The following ETV1 variants were observed in gnomAD, a reference collection of about 807,000 sequenced individuals.
ETV1 encodes the protein ETS variant transcription factor 1.
A neutral mutation model predicts 62.3 loss-of-function variants in ETV1; 27 were observed. That is an observed-to-expected ratio of 0.43 (90% CI 0.32 to 0.60). The LOEUF (loss-of-function observed/expected upper bound fraction) is 0.60. Ranked by LOEUF, ETV1 falls within the 20% of genes least tolerant of loss-of-function variation. The pLI, the probability that ETV1 is intolerant of heterozygous loss-of-function variation, is 0.06. For missense variants in ETV1, 605 were observed against 605.8 expected (o/e 1.00, Z 0.01); for synonymous variants, 222 against 199.6 (o/e 1.11, Z -0.94).
intron 6 of ETV1, among the ~76,000 whole-genome samples, chr7:13,941,862 CGAAT>C (rs1787545827): frequency 2.6e-5 from 3 of 116,880 alleles, no homozygotes; most frequent in South Asian, 7.2e-4. Flanking sequence ...GATTCTGCCT[CGAAT>C]AAATAAATAA....
At chr7:13,940,863 CAA>C (rs1276156844) in intron 6 of ETV1, among the ~76,000 whole-genome samples, 1 of 152,058 alleles carries the variant, frequency 6.6e-6, no homozygotes, top group African/African-American at 2.4e-5. Context: ...AATTTTGATA[CAA>C]GTGTTCAACA....
chr7:13,901,825 AC>A (rs1220600406), intron 12 of ETV1, among the ~76,000 whole-genome samples: 1 of 152,228 alleles, frequency 6.6e-6, no homozygotes, highest in Non-Finnish European at 1.5e-5. Flanking sequence ...GAGTCCACAA[AC>A]AAAAATCTCT....
chr7:13,908,398 A>G (rs1783197648), intron 11 of ETV1, among the ~76,000 whole-genome samples: 1 of 152,138 alleles, frequency 6.6e-6, no homozygotes, highest in Non-Finnish European at 1.5e-5. Flanking sequence ...AGCTCACCAA[A>G]CACGAAAGAA....
rs1158629536 is a variant in ETV1, at chr7:13,894,987, A to C, written c.*879T>G. ...ATGTATTTATGTACTGAAGAAAGTG[A>C]AAAGGAGACAGATATTTTTTGCTTC... On this transcript the variant is annotated 3_prime_UTR_variant, in exon 14 of 14. Transcript: ENST00000430479. 1 of 233,042 alleles carries C rather than the reference A, an allele frequency of 4.3e-6. No individual in the cohort carries two copies. The highest frequency in any genetic ancestry group is 2.2e-5 in the African/African-American group (1 of 45,342). The allele number at this position is 233,042 out of a possible 1,614,324, so 14.4% of individuals were successfully genotyped here.
rs1781738434 is a variant in ETV1 at position 13,896,011 on chromosome 7, T to C, written c.1289A>G (p.Gln430Arg). 1 of 1,613,794 alleles carries C rather than the reference T, an allele frequency of 6.2e-7. No individual in the cohort carries two copies. Among genetic ancestry groups the C allele is most frequent in the Non-Finnish European group, 8.5e-7 (1 of 1,179,840 alleles). ...ALFSMAFPDN[Q>R]RPLLKTDMER... ...CATGTCTGTCTTCAGCAGTGGACGC[T>C]GATTATCTGGAAAGGCCATGGAGAA... is the stretch of plus-strand genomic sequence containing the variant. The change falls in exon 14 of 14, where the codon CAG (glutamine) becomes CGG (arginine). Residue 430 changes from glutamine (Q) to arginine (R), a missense_variant. Physicochemically the swap from Gln to Arg is conservative, Grantham distance 43. Transcript: ENST00000430479.
intron 6 of ETV1, among the ~76,000 whole-genome samples, chr7:13,947,695 A>C (rs765181747): frequency 2.6e-5 from 4 of 152,228 alleles, no homozygotes; most frequent in Non-Finnish European, 5.9e-5. Flanking sequence ...TTCATGCATG[A>C]GCACCACTAT....
chr7:13,950,899 AACACACACACACACACAC>A (rs67539493), intron 6 of ETV1, among the ~76,000 whole-genome samples: 4,346 of 138,904 alleles, frequency 0.031, 69 homozygotes, highest in Middle Eastern at 0.064. Context: ...CTTCTCTAGG[AACACACACACACACACAC>A]ACACACACAC....
intron 6 of ETV1, among the ~76,000 whole-genome samples, chr7:13,941,435 C>G (rs796717221): frequency 6.6e-5 from 10 of 152,130 alleles, no homozygotes; most frequent in African/African-American, 1.7e-4. Flanking sequence ...ATGAATAAGA[C>G]TAGAAAAATG....
intron 13 of ETV1, 134 bp from the exon 14 acceptor site, chr7:13,896,221 A>G: frequency 1.6e-6 from 1 of 610,524 alleles, no homozygotes; most frequent in East Asian, 2.8e-5. Flanking sequence ...GCAAACAACT[A>G]ATAGCAGATA....
intron 5 of ETV1, among the ~76,000 whole-genome samples, chr7:13,982,407 T>C: frequency 6.6e-6 from 1 of 152,064 alleles, no homozygotes; most frequent in East Asian, 1.9e-4. Flanking sequence ...AAAACTACAC[T>C]ATACTACACC....
rs570312381 is a variant in ETV1, at chr7:13,940,662, C to T, written c.236-1416G>A. On this transcript the variant is annotated intron_variant, in intron 6 of 13. Coordinates refer to ENST00000430479, the MANE Select transcript of ETV1 (RefSeq NM_004956.5). ...AAACACAGTATGTTAAGTCCGCTTT[C>T]CAAAAAGGAAGATATGACAAGAGGA... 1.8e-4 allele frequency among the ~76,000 whole-genome samples: 28 copies of T among 152,136 alleles called. No homozygotes were observed. The South Asian group carries it at 5.0e-3, about 27-fold the overall frequency.
Position 13,894,773 on chromosome 7 carries a change from AT to A in ETV1, c.*1092del. 1 of 232,708 alleles carries A rather than the reference AT, an allele frequency of 4.3e-6. No homozygotes were observed. The highest frequency in any genetic ancestry group is 6.1e-5 in the East Asian group (1 of 16,344). 14.4% of individuals were successfully genotyped at this position (232,708 alleles called of 1,614,324 possible). On this transcript the variant is annotated 3_prime_UTR_variant, in exon 14 of 14. Coordinates refer to ENST00000430479, the MANE Select transcript of ETV1 (RefSeq NM_004956.5). ...AGACAGCAGCAGAAGCATTAGCATT[AT>A]CTAATATTTATATATGTTATCAACA...
At chr7:13,986,249 T>A (rs780510704) in intron 5 of ETV1, 3 of 1,539,556 alleles carry the variant, frequency 1.9e-6, no homozygotes, top group Admixed American at 2.1e-5. Flanking sequence ...CAAATAATGA[T>A]ATGCGCTGCT....
chr7:13,896,756 G>GAAAGAA (rs1235127523), intron 13 of ETV1, among the ~76,000 whole-genome samples: 1 of 115,472 alleles, frequency 8.7e-6, no homozygotes, highest in East Asian at 2.4e-4. Context: ...AAGAAAGAAA[G>GAAAGAA]AAAGAAAGAA....
chr7:13,916,364 G>A lies in ETV1; in HGVS notation c.803-5057C>T, dbSNP rs117599828. 1.1e-3 allele frequency among the ~76,000 whole-genome samples: 167 copies of A among 152,280 alleles called. 3 individuals are homozygous for A. The East Asian group carries it at 0.027, about 25-fold the overall frequency. On this transcript the variant is annotated intron_variant, in intron 9 of 13. Transcript: ENST00000430479. ...AAAGAGAGAAAAGTAGAGGTCAGAC[G>A]TGGTGGCTCACGTCTGTAATCCTAG...
intron 13 of ETV1, chr7:13,900,504 G>C: frequency 2.5e-6 from 1 of 402,378 alleles, no homozygotes. Context: ...GTGCAGCAAA[G>C]TAGGACCTTC....
chr7:13,930,798 T>TA lies in ETV1; in HGVS notation c.802+703_802+704insT, dbSNP rs201004077. 6.3e-3 allele frequency among the ~76,000 whole-genome samples: 684 copies of TA among 108,458 alleles called. 4 individuals carry two copies. The highest frequency in any genetic ancestry group is 0.028 in the East Asian group (88 of 3,096). The allele number at this position is 108,458 out of a possible 152,430, so 71.2% of individuals were successfully genotyped here. ...TAGAATCTTTGCCACCAATATATAT[T>TA]TTTTTTTTTTTGAGATTTTTGAGAC... On this transcript the variant is annotated intron_variant, in intron 9 of 13. Transcript: ENST00000430479.
chr7:13,913,426 A>G (rs1783766063), intron 9 of ETV1, among the ~76,000 whole-genome samples: 2 of 152,150 alleles, frequency 1.3e-5, no homozygotes, highest in South Asian at 4.1e-4. Flanking sequence ...TTGTTATTTA[A>G]CATCTCTAAC....
intron 3 of ETV1, chr7:13,988,694 T>G: frequency 6.2e-7 from 1 of 1,611,622 alleles, no homozygotes; most frequent in Non-Finnish European, 8.5e-7. Flanking sequence ...TTCTTTTCAA[T>G]GTGGCAGACA....
Sources: allele counts gnomAD v4.1 joint callset (sites outside exome capture counted in the v4.1 genomes callset), GRCh38; gene constraint gnomAD v4.1.1; transcripts MANE v1.5; gene names NCBI Gene and HGNC (gene_info 2026-07-23, HGNC 2026-07-21).